The following CEP112 variants were observed in gnomAD, a reference collection of about 807,000 sequenced individuals.
CEP112 encodes centrosomal protein of 112 kDa.
Under a neutral mutation model 153.0 loss-of-function variants are expected in CEP112, and 127 were observed. The ratio of observed to expected loss-of-function variants is 0.83; its 90% confidence interval spans 0.72 to 0.96. CEP112 has a LOEUF of 0.96. Among genes scored for constraint, CEP112 ranks in the 40% least tolerant of loss-of-function variants. The pLI, the probability that CEP112 is intolerant of heterozygous loss-of-function variation, is 0.00. For synonymous variants in CEP112, 358 were observed against 374.4 expected (o/e 0.96, Z 0.51); for missense variants, 1,089 against 1,101.2 (o/e 0.99, Z 0.16).
intron 25 of CEP112, among the ~76,000 whole-genome samples, chr17:65,640,154 A>ATATT (rs1300751452): frequency 1.8e-4 from 14 of 78,340 alleles, no homozygotes; most frequent in African/African-American, 8.4e-4. Flanking sequence ...ATATATATAT[A>ATATT]TTTTTTTTTT....
chr17:65,700,455 G>C (rs138851228), intron 23 of CEP112, among the ~76,000 whole-genome samples: 11 of 152,280 alleles, frequency 7.2e-5, no homozygotes, highest in African/African-American at 2.4e-4. Flanking sequence ...AGGTAATGTG[G>C]GAGCTGGAGG....
chr17:66,039,971 T>C (rs547212119), intron 12 of CEP112, among the ~76,000 whole-genome samples: 23 of 152,206 alleles, frequency 1.5e-4, no homozygotes, highest in Non-Finnish European at 3.4e-4. Flanking sequence ...TATTGATGAG[T>C]TGTCTTCAGT....
At chr17:66,038,268 C>T (rs1272814789) in intron 12 of CEP112, among the ~76,000 whole-genome samples, 4 of 152,166 alleles carry the variant, frequency 2.6e-5, no homozygotes, top group Non-Finnish European at 5.9e-5. Context: ...ATTAAGATCT[C>T]TATTTGTCAA....
chr17:65,952,761 T>C (rs1599127848), intron 18 of CEP112, among the ~76,000 whole-genome samples: 1 of 152,196 alleles, frequency 6.6e-6, no homozygotes, highest in Admixed American at 6.5e-5. Context: ...ACCACAACTT[T>C]GTCAGCACTT....
At chr17:66,059,610 A>G (rs993134095) in intron 11 of CEP112, among the ~76,000 whole-genome samples, 1 of 152,204 alleles carries the variant, frequency 6.6e-6, no homozygotes, top group African/African-American at 2.4e-5. Context: ...ACCACCTCAC[A>G]CCAGTAAAAA....
chr17:66,080,568 T>C (rs2067676641), intron 8 of CEP112, among the ~76,000 whole-genome samples: 1 of 151,928 alleles, frequency 6.6e-6, no homozygotes, highest in Non-Finnish European at 1.5e-5. Context: ...TTGGTGGGAG[T>C]GTAAATTAGT....
intron 12 of CEP112, among the ~76,000 whole-genome samples, chr17:66,039,446 A>G (rs1480073236): frequency 6.6e-6 from 1 of 152,156 alleles, no homozygotes; most frequent in Non-Finnish European, 1.5e-5. Context: ...TTATGAAAAT[A>G]GGACATATTT....
chr17:65,943,851 C>T (rs1038820365), intron 18 of CEP112, among the ~76,000 whole-genome samples: 2 of 152,170 alleles, frequency 1.3e-5, no homozygotes, highest in Non-Finnish European at 2.9e-5. Flanking sequence ...GTACACCAAT[C>T]AGTCATAGGT....
chr17:66,147,170 C>CT (rs988931467), intron 4 of CEP112, among the ~76,000 whole-genome samples: 2 of 144,232 alleles, frequency 1.4e-5, no homozygotes, highest in East Asian at 4.5e-4. Flanking sequence ...CTCACCAACA[C>CT]TTTTTTTTTC....
chr17:65,709,718 C>T (rs2049082909), intron 23 of CEP112, among the ~76,000 whole-genome samples: 1 of 152,198 alleles, frequency 6.6e-6, no homozygotes, highest in Non-Finnish European at 1.5e-5. Flanking sequence ...TAGGTGTGTG[C>T]CATCAGTCCA....
At chr17:66,050,048 A>G (rs1255101462) in intron 12 of CEP112, among the ~76,000 whole-genome samples, 1 of 152,218 alleles carries the variant, frequency 6.6e-6, no homozygotes, top group Non-Finnish European at 1.5e-5. Flanking sequence ...ATAATGCCAA[A>G]AAGTCCATAA....
intron 23 of CEP112, among the ~76,000 whole-genome samples, chr17:65,721,523 G>C (rs1409446244): frequency 6.6e-6 from 1 of 152,146 alleles, no homozygotes; most frequent in Non-Finnish European, 1.5e-5. Context: ...AATAAAGAAT[G>C]CTGCTGTATT....
At chr17:65,775,041 G>A (rs1025851673) in intron 21 of CEP112, among the ~76,000 whole-genome samples, 1 of 152,094 alleles carries the variant, frequency 6.6e-6, no homozygotes, top group Non-Finnish European at 1.5e-5. Flanking sequence ...TTGATGTGGC[G>A]AGTGGGCGGG....
At chr17:65,957,300 A>G (rs1470583727) in intron 18 of CEP112, among the ~76,000 whole-genome samples, 1 of 152,228 alleles carries the variant, frequency 6.6e-6, no homozygotes, top group African/African-American at 2.4e-5. Flanking sequence ...TTTGTTAGTT[A>G]CACCCCATTT....
At chr17:65,646,919 C>G (rs556540041) in intron 24 of CEP112, among the ~76,000 whole-genome samples, 1 of 152,184 alleles carries the variant, frequency 6.6e-6, no homozygotes, top group Non-Finnish European at 1.5e-5. Context: ...CAACTGGTTC[C>G]AGAGGACTCC....
At chr17:66,020,472 C>G (rs189666774) in intron 16 of CEP112, among the ~76,000 whole-genome samples, 324 of 152,268 alleles carry the variant, frequency 2.1e-3, no homozygotes, top group African/African-American at 7.7e-3. Flanking sequence ...CAACCCCACC[C>G]CAGTACCTAA....
intron 17 of CEP112, among the ~76,000 whole-genome samples, chr17:66,000,399 T>C (rs770234996): frequency 6.6e-6 from 1 of 151,134 alleles, no homozygotes; most frequent in Non-Finnish European, 1.5e-5. Context: ...TCATGAGGCA[T>C]TGAAACATCT....
chr17:65,760,205 CAAAG>C (rs1302187030), intron 21 of CEP112, among the ~76,000 whole-genome samples: 1 of 152,122 alleles, frequency 6.6e-6, no homozygotes, highest in Non-Finnish European at 1.5e-5. Context: ...CATCTGCAAA[CAAAG>C]AGAGTTCTAT....
chr17:65,740,175 T>C (rs2051049348), intron 23 of CEP112, among the ~76,000 whole-genome samples: 1 of 152,214 alleles, frequency 6.6e-6, no homozygotes, highest in Non-Finnish European at 1.5e-5. Flanking sequence ...TCCTTATATA[T>C]GCTCTCCAAC....
Sources: allele counts gnomAD v4.1 joint callset (sites outside exome capture counted in the v4.1 genomes callset), GRCh38; gene constraint gnomAD v4.1.1; transcripts MANE v1.5; gene names NCBI Gene and HGNC (gene_info 2026-07-23, HGNC 2026-07-21).